The following CERS6 variants were observed in gnomAD, a reference collection of about 807,000 sequenced individuals.
CERS6 encodes LAG1 homolog, ceramide synthase 6.
Under a neutral mutation model 56.8 loss-of-function variants are expected in CERS6, and 26 were observed. That is an observed-to-expected ratio of 0.46 (90% CI 0.34 to 0.63). The LOEUF is 0.63. Ranked by LOEUF, CERS6 falls within the 30% of genes least tolerant of loss-of-function variation. The pLI is 0.01. For missense variants in CERS6, 415 were observed against 467.5 expected (o/e 0.89, Z 1.04); for synonymous variants, 164 against 173.3 (o/e 0.95, Z 0.42).
chr2:168,541,304 T>C (rs1487815962), intron 1 of CERS6, among the ~76,000 whole-genome samples: 1 of 152,206 alleles, frequency 6.6e-6, no homozygotes, highest in Non-Finnish European at 1.5e-5. Context: ...GCCCAGACTA[T>C]AACAGTATGT....
intron 1 of CERS6, among the ~76,000 whole-genome samples, chr2:168,459,139 C>A (rs1250813356): frequency 6.6e-6 from 1 of 152,238 alleles, no homozygotes; most frequent in Non-Finnish European, 1.5e-5. Flanking sequence ...TCTCAAGATT[C>A]TTCTCTTTGT....
At chr2:168,541,633 A>AT (rs1216937070) in intron 1 of CERS6, among the ~76,000 whole-genome samples, 2 of 152,032 alleles carry the variant, frequency 1.3e-5, no homozygotes, top group African/African-American at 2.4e-5. Context: ...GAGATGGTGG[A>AT]TTTTTTTACA....
intron 1 of CERS6, among the ~76,000 whole-genome samples, chr2:168,527,387 TC>T (rs1440968082): frequency 6.6e-6 from 1 of 152,174 alleles, no homozygotes; most frequent in Non-Finnish European, 1.5e-5. Context: ...TCACCCAAAG[TC>T]CATGGTTTAC....
At chr2:168,673,261 G>A (rs1051276212) in intron 4 of CERS6, among the ~76,000 whole-genome samples, 1 of 152,156 alleles carries the variant, frequency 6.6e-6, no homozygotes, top group Admixed American at 6.5e-5. Context: ...CTCACTTTAT[G>A]AGTTTTACTC....
At chr2:168,572,249 A>G (rs1574073463) in intron 3 of CERS6, among the ~76,000 whole-genome samples, 1 of 152,196 alleles carries the variant, frequency 6.6e-6, no homozygotes, top group Non-Finnish European at 1.5e-5. Flanking sequence ...TGTAGTGGGC[A>G]TTAATGCTGG....
At chr2:168,612,572 G>A (rs1281183522) in intron 3 of CERS6, among the ~76,000 whole-genome samples, 1 of 152,218 alleles carries the variant, frequency 6.6e-6, no homozygotes, top group Non-Finnish European at 1.5e-5. Context: ...CCCAGGCTAG[G>A]CCAGAGCAAC....
Position 168,765,583 on chromosome 2 carries a change from T to G in CERS6, c.846-9T>G. On this transcript the variant is annotated splice_polypyrimidine_tract_variant and intron_variant, in intron 8 of 9. Transcript: ENST00000305747. ...CCACATTCACTAATCACCTCCTTCT[T>G]TTCCTTAGGGTGTTAAATACCACAT... 6.2e-7 allele frequency: 1 copy of G among 1,610,076 alleles called. No individual in the cohort carries two copies. Among genetic ancestry groups the G allele is most frequent in the Non-Finnish European group, 8.5e-7 (1 of 1,178,604 alleles).
chr2:168,622,317 T>G (rs564932633), intron 3 of CERS6, among the ~76,000 whole-genome samples: 1 of 152,246 alleles, frequency 6.6e-6, no homozygotes, highest in Non-Finnish European at 1.5e-5. Flanking sequence ...AAATTTATGC[T>G]GGGCCGCATT....
chr2:168,537,975 A>C (rs114263904), intron 1 of CERS6, among the ~76,000 whole-genome samples: 1 of 152,146 alleles, frequency 6.6e-6, no homozygotes, highest in African/African-American at 2.4e-5. Flanking sequence ...CATCCCATCC[A>C]TGTTCAGTCT....
chr2:168,698,251 A>G (rs1686713805), intron 6 of CERS6, among the ~76,000 whole-genome samples: 1 of 7,050 alleles, frequency 1.4e-4, no homozygotes, highest in South Asian at 0.013. Flanking sequence ...AAAAAAAAAA[A>G]AAAGAAAAAA....
At chr2:168,730,152 C>A (rs962143093) in intron 8 of CERS6, among the ~76,000 whole-genome samples, 1 of 152,170 alleles carries the variant, frequency 6.6e-6, no homozygotes, top group Non-Finnish European at 1.5e-5. Flanking sequence ...AAAGCAGGAG[C>A]ATCCCAGCCA....
At chr2:168,488,788 A>C (rs1694318287) in intron 1 of CERS6, among the ~76,000 whole-genome samples, 1 of 152,104 alleles carries the variant, frequency 6.6e-6, no homozygotes, top group Non-Finnish European at 1.5e-5. Context: ...CTCAAGAGTT[A>C]ATGTTATATT....
intron 3 of CERS6, among the ~76,000 whole-genome samples, chr2:168,591,906 T>C (rs749351750): frequency 2.0e-5 from 3 of 152,202 alleles, no homozygotes; most frequent in Non-Finnish European, 4.4e-5. Flanking sequence ...AATCTCCGCA[T>C]GGACCCTCAA....
At position 168,484,891 on chromosome 2, in the gene CERS6, T is replaced by C. The variant is rs183376905; in HGVS notation, c.170+28273T>C. On this transcript the variant is annotated intron_variant, in intron 1 of 9. Coordinates refer to ENST00000305747, the MANE Select transcript of CERS6 (RefSeq NM_203463.3). ...TTTCCACAGGTAAATCCCTGGGGAC[T>C]GAAATAACGCTTCATATTCTCTCAT... Among the ~76,000 whole-genome samples the C allele has an allele frequency of 7.4e-4, 113 of 152,352 alleles. No individual in the cohort carries two copies. The East Asian group carries it at 0.016, about 22-fold the overall frequency.
At chr2:168,684,355 A>G (rs1010935166) in intron 4 of CERS6, among the ~76,000 whole-genome samples, 1 of 152,194 alleles carries the variant, frequency 6.6e-6, no homozygotes, top group African/African-American at 2.4e-5. Flanking sequence ...GCTGCTCACC[A>G]CTAATCAGGA....
chr2:168,687,761 G>A (rs1438974061), intron 4 of CERS6, among the ~76,000 whole-genome samples: 2 of 152,156 alleles, frequency 1.3e-5, no homozygotes, highest in Non-Finnish European at 2.9e-5. Context: ...GGAATGCCTG[G>A]CACAATCATG....
chr2:168,468,722 C>G (rs1381386608), intron 1 of CERS6, among the ~76,000 whole-genome samples: 1 of 152,202 alleles, frequency 6.6e-6, no homozygotes, highest in Non-Finnish European at 1.5e-5. Flanking sequence ...CATAGATCCC[C>G]ATTTTCCCTA....
intron 1 of CERS6, among the ~76,000 whole-genome samples, chr2:168,519,840 G>C (rs1437734942): frequency 6.6e-6 from 1 of 152,150 alleles, no homozygotes; most frequent in East Asian, 1.9e-4. Context: ...CTGTTGATGG[G>C]CATCTGGGTT....
chr2:168,769,482 G>T, intron 9 of CERS6, 28 bp from the exon 10 acceptor site: 2 of 1,552,824 alleles, frequency 1.3e-6, no homozygotes, highest in Non-Finnish European at 1.7e-6. Flanking sequence ...TTAGGTGCTG[G>T]TTATACTCAC....
Sources: gnomAD v4.1 joint callset for allele counts (sites outside exome capture counted in the v4.1 genomes callset) on GRCh38, gnomAD v4.1.1 for gene constraint, MANE v1.5 for transcripts, NCBI Gene and HGNC (gene_info 2026-07-23, HGNC 2026-07-21) for gene names.